Variants in UGT1A10 observed in about 807,000 individuals in gnomAD.
UGT1A10 encodes UDP glucuronosyltransferase family 1 member A10, also known as UDP-glucuronosyltransferase 1A10.
UGT1A10 carries 49 observed loss-of-function variants against 45.8 expected under a neutral mutation model. The observed-to-expected ratio is 1.07, with a 90% CI of 0.85 to 1.36. The LOEUF (loss-of-function observed/expected upper bound fraction) is 1.36, where lower values mean the gene tolerates loss of function less well. UGT1A10 is among the 40% of genes most tolerant of loss of function. The pLI is 0.00. For synonymous variants in UGT1A10, 284 were observed against 249.7 expected (o/e 1.14, Z -1.29); for missense variants, 745 against 668.6 (o/e 1.11, Z -1.26).
At chr2:233,668,519 T>A (rs2074122001) in intron 1 of UGT1A10, among the ~76,000 whole-genome samples, 1 of 152,202 alleles carries the variant, frequency 6.6e-6, no homozygotes, top group Admixed American at 6.5e-5. Context: ...TAAACATACG[T>A]GTGCATGTGT....
intron 4 of UGT1A10, among the ~76,000 whole-genome samples, chr2:233,768,799 G>C (rs1295681406): frequency 6.6e-6 from 1 of 151,984 alleles, no homozygotes; most frequent in Admixed American, 6.6e-5. Flanking sequence ...TGTCAGGCTG[G>C]TCTTGAACTC....
At chr2:233,657,736 G>T (rs1304631562) in intron 1 of UGT1A10, among the ~76,000 whole-genome samples, 1 of 152,094 alleles carries the variant, frequency 6.6e-6, no homozygotes, top group Non-Finnish European at 1.5e-5. Context: ...ATTTTAATTT[G>T]ATTTTCCTAT....
intron 1 of UGT1A10, chr2:233,729,644 T>A: frequency 5.6e-6 from 9 of 1,613,954 alleles, no homozygotes; most frequent in Non-Finnish European, 7.6e-6. Flanking sequence ...GTGTTTTTTT[T>A]GAGGAACATT....
At chr2:233,646,780 A>G (rs1189488673) in intron 1 of UGT1A10, among the ~76,000 whole-genome samples, 1 of 152,042 alleles carries the variant, frequency 6.6e-6, no homozygotes, top group African/African-American at 2.4e-5. Flanking sequence ...ACTTTCCTAC[A>G]TTTTCCTGTC....
At chr2:233,671,640 A>T (rs1008430775) in intron 1 of UGT1A10, among the ~76,000 whole-genome samples, 1 of 152,234 alleles carries the variant, frequency 6.6e-6, no homozygotes, top group African/African-American at 2.4e-5. Flanking sequence ...GTCCAAAAGC[A>T]TTGGTTAATA....
In UGT1A10 at chr2:233,768,589, T is replaced by TC. The variant is rs1441142658; in HGVS notation, c.1295+150_1295+151insC. The TC allele has an allele frequency of 2.3e-4, 239 of 1,048,606 alleles. No individual in the cohort carries two copies. In the East Asian group the frequency reaches 3.3e-3, roughly 15 times the overall value. 65.0% of individuals were successfully genotyped at this position (1,048,606 alleles called of 1,614,324 possible). A position where few individuals can be genotyped will look rare whatever the true frequency, so the allele number is the denominator to read the frequency against. ...TCTGGATTTTTATTTCTTCTTTTTT[T>TC]TTTTTTTTTTTTTTTGAGATGGAGT... On this transcript the variant is annotated intron_variant, in intron 4 of 4. Transcript: ENST00000344644.
At chr2:233,690,561 A>C in intron 1 of UGT1A10, 1 of 1,289,374 alleles carries the variant, frequency 7.8e-7, no homozygotes, top group Non-Finnish European at 1.0e-6. Context: ...CCCAAGCCTG[A>C]GTCATTCAGC....
rs182081835 is a variant in UGT1A10 at position 233,702,413 on chromosome 2, T to G, written c.856-64621T>G. 3.3e-3 allele frequency among the ~76,000 whole-genome samples: 497 copies of G among 152,322 alleles called. 1 individual carries two copies. Among genetic ancestry groups the G allele is most frequent in the South Asian group, 4.6e-3 (22 of 4,828 alleles). On this transcript the variant is annotated intron_variant, in intron 1 of 4. Coordinates refer to ENST00000344644, the MANE Select transcript of UGT1A10 (RefSeq NM_019075.4). ...AGATCATGTTATCTACAAATAGAGA[T>G]AGCGTTACTTCTTCCTTTCTAATAA... is the stretch of plus-strand genomic sequence containing the variant.
At chr2:233,659,378 A>G (rs2073921460) in intron 1 of UGT1A10, among the ~76,000 whole-genome samples, 4 of 152,232 alleles carry the variant, frequency 2.6e-5, no homozygotes, top group Admixed American at 2.0e-4. Flanking sequence ...CATATTTGAT[A>G]TGCTTTATGT....
intron 1 of UGT1A10, among the ~76,000 whole-genome samples, chr2:233,751,493 G>C (rs545881478): frequency 3.2e-4 from 48 of 152,200 alleles, no homozygotes; most frequent in Non-Finnish European, 6.2e-4. Context: ...AAAGACATGA[G>C]ATTTGGGAGG....
At chr2:233,648,957 C>T in intron 1 of UGT1A10, 1 of 1,438,908 alleles carries the variant, frequency 6.9e-7, no homozygotes, top group Non-Finnish European at 9.6e-7. Context: ...TGGAGTATCC[C>T]AAACCTGTGA....
chr2:233,686,482 A>G (rs2074791293), intron 1 of UGT1A10, among the ~76,000 whole-genome samples: 1 of 152,024 alleles, frequency 6.6e-6, no homozygotes, highest in Non-Finnish European at 1.5e-5. Context: ...TTCCTATGAA[A>G]CTTTCTGAAC....
rs377501831 is a variant in UGT1A10, at chr2:233,767,899, G to A, written c.1038G>A (p.Thr346=). The A allele has an allele frequency of 2.4e-5, 38 of 1,614,024 alleles. No homozygotes were observed. Among genetic ancestry groups the A allele is most frequent in the Admixed American group, 8.3e-5 (5 of 59,994 alleles). ...GTRPSNLANN[T]ILVKWLPQND... ...GACCATCGAATCTTGCGAACAACAC[G>A]ATACTTGTTAAGTGGCTACCCCAAA... The change falls in exon 3 of 5, where the codon ACG becomes ACA. Residue 346 remains threonine (T), a synonymous_variant. Transcript: ENST00000344644.
At chr2:233,729,075 G>A (rs2077785195) in intron 1 of UGT1A10, 2 of 1,611,914 alleles carry the variant, frequency 1.2e-6, no homozygotes, top group East Asian at 2.2e-5. Flanking sequence ...GAAAGCAAAT[G>A]TAGCAGGCAC....
At chr2:233,719,881 G>A (rs1265603009) in intron 1 of UGT1A10, among the ~76,000 whole-genome samples, 1 of 152,192 alleles carries the variant, frequency 6.6e-6, no homozygotes, top group East Asian at 1.9e-4. Flanking sequence ...AAGAGGCACG[G>A]ATGAGGGTCT....
intron 1 of UGT1A10, among the ~76,000 whole-genome samples, chr2:233,685,234 T>C (rs1346351842): frequency 2.0e-5 from 3 of 152,148 alleles, no homozygotes; most frequent in Non-Finnish European, 1.5e-5. Context: ...GGTTTCACCA[T>C]GTTGGCCAGG....
At position 233,742,060 on chromosome 2, in the gene UGT1A10, T is replaced by A. The variant is rs74500985; in HGVS notation, c.856-24974T>A. On this transcript the variant is annotated intron_variant, in intron 1 of 4. Transcript: ENST00000344644. ...AGCATAGCAATAGGATAGTTCTGTG[T>A]GGCCTTATGGAGATCCTTTTTTTAC... 642 of 152,036 alleles carry A rather than the reference T, an allele frequency of 4.2e-3. 25 individuals carry two copies. Among genetic ancestry groups the A allele is most frequent in the African/African-American group, 0.015 (610 of 41,262 alleles). 9.4% of individuals were successfully genotyped at this position (152,036 alleles called of 1,614,324 possible).
chr2:233,640,671 C>T (rs1185509229), intron 1 of UGT1A10, among the ~76,000 whole-genome samples: 1 of 152,120 alleles, frequency 6.6e-6, no homozygotes, highest in Non-Finnish European at 1.5e-5. Flanking sequence ...TGCTGTTCTT[C>T]CATAGTCCAA....
In UGT1A10 at chr2:233,767,872, C is replaced by A. The variant is rs997427896; in HGVS notation, c.1011C>A (p.Thr337=). The A allele has an allele frequency of 6.2e-7, 1 of 1,614,024 alleles. No individual in the cohort carries two copies. The highest frequency in any genetic ancestry group is 8.5e-7 in the Non-Finnish European group (1 of 1,180,044). The change falls in exon 3 of 5, where the codon ACC becomes ACA. Residue 337 remains threonine (T), a synonymous_variant. Coordinates refer to ENST00000344644, the MANE Select transcript of UGT1A10 (RefSeq NM_019075.4). ...PQTVLWRYTG[T]RPSNLANNTI... is the part of the protein sequence containing the mutation. Reference sequence around the variant, plus strand: ...AGGTCCTGTGGCGGTACACTGGAACCCGACCATCGAATCTTGCGAACAACA... The same window carrying A: ...AGGTCCTGTGGCGGTACACTGGAACACGACCATCGAATCTTGCGAACAACA...
Sources: gnomAD v4.1 joint callset for allele counts (sites outside exome capture counted in the v4.1 genomes callset) on GRCh38, gnomAD v4.1.1 for gene constraint, MANE v1.5 for transcripts, NCBI Gene and HGNC (gene_info 2026-07-23, HGNC 2026-07-21) for gene names.